The following MLPH variants were observed in gnomAD, a reference collection of about 807,000 sequenced individuals.
The protein encoded by MLPH is exophilin-3.
Under a neutral mutation model 72.1 loss-of-function variants are expected in MLPH, and 51 were observed. That is an observed-to-expected ratio of 0.71 (90% CI 0.56 to 0.89). MLPH has a LOEUF of 0.89. Among genes scored for constraint, MLPH ranks in the 40% least tolerant of loss-of-function variants. The pLI is 0.00. For synonymous variants in MLPH, 301 were observed against 310.1 expected (o/e 0.97, Z 0.31); for missense variants, 743 against 759.9 (o/e 0.98, Z 0.26).
At chr2:237,534,530 T>C in intron 8 of MLPH, 34 bp from the exon 9 acceptor site, 1 of 1,573,482 alleles carries the variant, frequency 6.4e-7, no homozygotes, top group Non-Finnish European at 8.7e-7. Context: ...GTGCACTGGG[T>C]CCTCTGCCCA....
In MLPH at chr2:237,546,598, C is replaced by T. The variant is rs140494726; in HGVS notation, c.1540-8C>T. 6,327 of 1,613,290 alleles carry T rather than the reference C, an allele frequency of 3.9e-3. 25 individuals are homozygous for T. The highest frequency in any genetic ancestry group is 0.016 in the African/African-American group (1,166 of 75,024). On this transcript the variant is annotated splice_polypyrimidine_tract_variant and splice_region_variant and intron_variant, in intron 12 of 15. Coordinates refer to ENST00000264605, the MANE Select transcript of MLPH (RefSeq NM_024101.7). Reference sequence around the variant, plus strand: ...AACAATAACATAAGTCTCTTCTTTGCCCTCCAGATATTTCTCCCTCGAGTG... The same window carrying T: ...AACAATAACATAAGTCTCTTCTTTGTCCTCCAGATATTTCTCCCTCGAGTG...
At chr2:237,496,209 A>G (rs1259599021) in intron 2 of MLPH, among the ~76,000 whole-genome samples, 2 of 152,086 alleles carry the variant, frequency 1.3e-5, no homozygotes, top group Non-Finnish European at 2.9e-5. Context: ...GTAACTTCTC[A>G]TTGCCTGAGT....
rs1366899720 is a variant in MLPH at position 237,553,961 on chromosome 2, G to A, written c.*369G>A. ...GCTTTCTTATGTTGCTTTCATGAAT[G>A]GAATGGAAAAAAGATGACTCAGTTA... On this transcript the variant is annotated 3_prime_UTR_variant, in exon 16 of 16. Coordinates refer to ENST00000264605, the MANE Select transcript of MLPH (RefSeq NM_024101.7). 2 of 397,098 alleles carry A rather than the reference G, an allele frequency of 5.0e-6. No individual in the cohort carries two copies. The highest frequency in any genetic ancestry group is 9.6e-6 in the Non-Finnish European group (2 of 207,536). 24.6% of individuals were successfully genotyped at this position (397,098 alleles called of 1,614,324 possible). A position where few individuals can be genotyped will look rare whatever the true frequency, so the allele number is the denominator to read the frequency against.
intron 4 of MLPH, among the ~76,000 whole-genome samples, chr2:237,517,538 G>T (rs547460511): frequency 1.2e-3 from 187 of 151,494 alleles, no homozygotes; most frequent in African/African-American, 4.1e-3. Context: ...TGTCTGAGTG[G>T]ATGAATGCAT....
intron 14 of MLPH, among the ~76,000 whole-genome samples, chr2:237,551,010 T>G (rs2081026622): frequency 6.6e-6 from 1 of 152,202 alleles, no homozygotes; most frequent in African/African-American, 2.4e-5. Context: ...CACAGGAATT[T>G]TGGGGTCTGA....
At chr2:237,538,366 G>C (rs1256894168) in intron 9 of MLPH, among the ~76,000 whole-genome samples, 1 of 152,234 alleles carries the variant, frequency 6.6e-6, no homozygotes, top group Non-Finnish European at 1.5e-5. Context: ...AGACGACTGA[G>C]GTTTACACCC....
chr2:237,546,972 A>G (rs1210427803), intron 13 of MLPH, among the ~76,000 whole-genome samples: 5 of 152,226 alleles, frequency 3.3e-5, no homozygotes, highest in Admixed American at 3.3e-4. Context: ...AGCATCTGAC[A>G]TGAAGCAAAC....
intron 4 of MLPH, among the ~76,000 whole-genome samples, chr2:237,516,113 G>A (rs1391458659): frequency 4.6e-5 from 7 of 152,252 alleles, no homozygotes; most frequent in African/African-American, 1.4e-4. Context: ...CAAGGGGCAG[G>A]TCCCAGGGCA....
At chr2:237,547,758 G>A (rs1226483927) in intron 13 of MLPH, among the ~76,000 whole-genome samples, 5 of 145,734 alleles carry the variant, frequency 3.4e-5, no homozygotes, top group Non-Finnish European at 7.6e-5. Context: ...GGCAGAGCCA[G>A]CCTGGGAGGG....
rs553778992 is a variant in MLPH at position 237,540,378 on chromosome 2, G to A, written c.1135G>A (p.Asp379Asn). The change falls in exon 10 of 16, where the codon GAT (aspartate) becomes AAT (asparagine). Residue 379 changes from aspartate (D) to asparagine (N), a missense_variant. Asp to Asn is a conservative substitution (Grantham distance 23). Transcript: ENST00000264605. ...GLGAGVRTEA[D>N]VEEEALRRKL... ...AGGTGCTGGAGTGCGCACGGAGGCC[G>A]ATGTAGAGGAGGAGGCCCTGAGGAG... The A allele has an allele frequency of 1.8e-5, 29 of 1,613,756 alleles. No individual in the cohort carries two copies. In the Admixed American group the frequency reaches 2.0e-4, roughly 11 times the overall value.
At chr2:237,518,680 C>T (rs772743792) in intron 5 of MLPH, 32 bp downstream of exon 5, 1 of 1,539,380 alleles carries the variant, frequency 6.5e-7, no homozygotes, top group East Asian at 2.3e-5. Context: ...CCTCCTCAGC[C>T]ACCTCGATTC....
At chr2:237,507,398 G>A (rs1381733793) in intron 2 of MLPH, 5 of 152,172 alleles carry the variant, frequency 3.3e-5, no homozygotes, top group African/African-American at 7.2e-5. Context: ...TAGTTGTGAT[G>A]TGGAATCTGA....
At chr2:237,503,384 G>A (rs1190068760) in intron 2 of MLPH, among the ~76,000 whole-genome samples, 7 of 152,028 alleles carry the variant, frequency 4.6e-5, no homozygotes, top group African/African-American at 1.2e-4. Flanking sequence ...CTTTTTTATC[G>A]TCATCTTGGT....
chr2:237,534,415 T>C, intron 8 of MLPH, 149 bp from the exon 9 acceptor site: 1 of 718,850 alleles, frequency 1.4e-6, no homozygotes. Context: ...GGTTTCACAA[T>C]TAACCTTCCC....
At chr2:237,489,563 A>G (rs1021365743) in intron 1 of MLPH, among the ~76,000 whole-genome samples, 10 of 152,196 alleles carry the variant, frequency 6.6e-5, no homozygotes, top group African/African-American at 1.9e-4. Flanking sequence ...AACAGCCACA[A>G]AGGATTAAGG....
chr2:237,525,067 G>A (rs2080273474), intron 6 of MLPH, among the ~76,000 whole-genome samples: 1 of 152,236 alleles, frequency 6.6e-6, no homozygotes, highest in African/African-American at 2.4e-5. Context: ...GCTTCTTGAA[G>A]CCCTCAGTAC....
At chr2:237,545,237 C>CAGTGGTGAGTGGGG (rs2080888456) in intron 12 of MLPH, among the ~76,000 whole-genome samples, 2 of 117,430 alleles carry the variant, frequency 1.7e-5, no homozygotes, top group African/African-American at 8.3e-5. Context: ...GTGAGTGGGG[C>CAGTGGTGAGTGGGG]ACAGTGGTGA....
chr2:237,533,081 G>C (rs1459264964), intron 8 of MLPH, among the ~76,000 whole-genome samples: 1 of 152,142 alleles, frequency 6.6e-6, no homozygotes, highest in Non-Finnish European at 1.5e-5. Context: ...ATCATAACCG[G>C]GAGACCACTT....
chr2:237,527,718 T>C (rs1430550706), intron 8 of MLPH: 2 of 674,078 alleles, frequency 3.0e-6, no homozygotes, highest in Non-Finnish European at 4.9e-6. Flanking sequence ...CATCTTAGTA[T>C]GGCCATTCCC....
Sources: allele counts gnomAD v4.1 joint callset (sites outside exome capture counted in the v4.1 genomes callset), GRCh38; gene constraint gnomAD v4.1.1; transcripts MANE v1.5; gene names NCBI Gene and HGNC (gene_info 2026-07-23, HGNC 2026-07-21).